ARMC7: variants seen among roughly 807,000 people sequenced by gnomAD.
The protein encoded by ARMC7 is armadillo repeat containing 7, also known as armadillo repeat-containing protein 7.
Under a neutral mutation model 14.8 loss-of-function variants are expected in ARMC7, and 9 were observed. The observed-to-expected ratio is 0.61, with a 90% confidence interval of 0.37 to 1.06. The LOEUF (loss-of-function observed/expected upper bound fraction) is 1.06. Among genes scored for constraint, ARMC7 ranks in the 50% least tolerant of loss-of-function variants. The pLI is 0.01. For synonymous variants in ARMC7, 125 were observed against 123.4 expected (o/e 1.01, Z -0.09); for missense variants, 262 against 267.1 (o/e 0.98, Z 0.13).
At chr17:75,122,385 G>A (rs940020993) in intron 2 of ARMC7, among the ~76,000 whole-genome samples, 8 of 151,702 alleles carry the variant, frequency 5.3e-5, no homozygotes, top group Non-Finnish European at 1.0e-4. Context: ...ATTTTTGACG[G>A]GGTTTCACTC....
In ARMC7 at chr17:75,130,200, T is replaced by A. The variant is rs1413387383; in HGVS notation, c.*1162T>A. 1.3e-5 allele frequency: 5 copies of A among 375,260 alleles called. No individual in the cohort carries two copies. Among genetic ancestry groups the A allele is most frequent in the African/African-American group, 1.0e-4 (5 of 48,712 alleles). The allele number at this position is 375,260 out of a possible 1,614,324, so 23.2% of individuals were successfully genotyped here. On this transcript the variant is annotated 3_prime_UTR_variant, in exon 3 of 3. Coordinates refer to ENST00000245543, the MANE Select transcript of ARMC7 (RefSeq NM_024585.4). ...CCCGCTCAGGGAGCCTGTCCCTTTA[T>A]GTTCCCAAATAAAGGGTCCTAGAAG...
intron 2 of ARMC7, among the ~76,000 whole-genome samples, chr17:75,119,667 A>T (rs1217419947): frequency 6.7e-6 from 1 of 148,902 alleles, no homozygotes; most frequent in African/African-American, 2.5e-5. Context: ...TCACCGTGTT[A>T]GCCAGGATGG....
intron 2 of ARMC7, 125 bp from the exon 3 acceptor site, chr17:75,128,552 C>A: frequency 1.3e-5 from 17 of 1,356,668 alleles, no homozygotes; most frequent in Non-Finnish European, 1.7e-5. Flanking sequence ...CCGGAATGGG[C>A]TTTGGATGCC....
chr17:75,115,824 C>T (rs1399381334), intron 2 of ARMC7, among the ~76,000 whole-genome samples: 1 of 152,180 alleles, frequency 6.6e-6, no homozygotes, highest in Non-Finnish European at 1.5e-5. Flanking sequence ...CAGATGGGGA[C>T]AGTGCCAGTA....
At chr17:75,114,624 G>GTGTCTC in intron 2 of ARMC7, 2 of 396,708 alleles carry the variant, frequency 5.0e-6, no homozygotes, top group Non-Finnish European at 8.9e-6. Flanking sequence ...CTGTGCATCT[G>GTGTCTC]TGTCTCTGTG....
At chr17:75,114,668 C>T in intron 2 of ARMC7, 1 of 398,330 alleles carries the variant, frequency 2.5e-6, no homozygotes, top group Non-Finnish European at 4.4e-6. Context: ...TCATTATCAC[C>T]AGCTTTACTT....
At chr17:75,123,840 G>A (rs1211334959) in intron 2 of ARMC7, among the ~76,000 whole-genome samples, 1 of 152,050 alleles carries the variant, frequency 6.6e-6, no homozygotes, top group Non-Finnish European at 1.5e-5. Context: ...GAACCCGGGA[G>A]GCGGAGGTTG....
In ARMC7 at chr17:75,110,515, C is replaced by T. The variant is rs757909485; in HGVS notation, c.144C>T (p.Ser48=). 1.2e-6 allele frequency: 2 copies of T among 1,614,226 alleles called. No homozygotes were observed. Among genetic ancestry groups the T allele is most frequent in the African/African-American group, 2.7e-5 (2 of 75,078 alleles). Residue 48 remains serine, a synonymous_variant, in exon 2 of 3, where the codon AGC becomes AGT. Coordinates refer to ENST00000245543, the MANE Select transcript of ARMC7 (RefSeq NM_024585.4). ...ANLANFAYDP[S]NYEYLRQLQV... ...TCGCCAACTTCGCTTATGACCCCAGCAACTACGAGTATCTGCGGCAGCTGC... is the reference window on the plus strand; with the variant it reads ...TCGCCAACTTCGCTTATGACCCCAGTAACTACGAGTATCTGCGGCAGCTGC...
chr17:75,126,876 C>A (rs1429142114), intron 2 of ARMC7, among the ~76,000 whole-genome samples: 1 of 151,678 alleles, frequency 6.6e-6, no homozygotes, highest in Admixed American at 6.6e-5. Flanking sequence ...GCCTGGCCAA[C>A]ATGGTGAAAC....
intron 2 of ARMC7, among the ~76,000 whole-genome samples, chr17:75,118,897 G>T (rs1157195081): frequency 3.9e-5 from 6 of 152,222 alleles, no homozygotes; most frequent in African/African-American, 1.2e-4. Flanking sequence ...CAAGTCCACT[G>T]CCTGGGGCTC....
intron 2 of ARMC7, among the ~76,000 whole-genome samples, chr17:75,122,447 C>G (rs1318665766): frequency 2.0e-5 from 3 of 151,844 alleles, no homozygotes; most frequent in African/African-American, 7.2e-5. Context: ...CCGCAACCTC[C>G]GCCTCCTGGG....
chr17:75,119,447 T>G (rs1568016792), intron 2 of ARMC7, among the ~76,000 whole-genome samples: 1 of 36,576 alleles, frequency 2.7e-5, no homozygotes, highest in Non-Finnish European at 1.2e-4. Flanking sequence ...TGTGATACAG[T>G]TTTTTCTTTT....
rs769760825 is a variant in ARMC7, at chr17:75,110,576, G to A, written c.205G>A (p.Glu69Lys). The change falls in exon 2 of 3, where the codon GAG (glutamate) becomes AAG (lysine). Residue 69 changes from glutamate to lysine, a missense_variant. Transcript: ENST00000245543. ...LDLFLDSLSE[E>K]NETLVEFAIG... ...TTTATTTCTCGATTCGCTGTCGGAGGAGAATGAGACCCTGGTGGAGTTTGC... is the reference window on the plus strand; with the variant it reads ...TTTATTTCTCGATTCGCTGTCGGAGAAGAATGAGACCCTGGTGGAGTTTGC... The A allele has an allele frequency of 1.3e-4, 202 of 1,614,124 alleles. No homozygotes were observed. Among genetic ancestry groups the A allele is most frequent in the Middle Eastern group, 8.2e-4 (5 of 6,084 alleles).
In ARMC7 at chr17:75,110,269, G is replaced by A; in HGVS notation, c.-20G>A. 6.3e-7 allele frequency: 1 copy of A among 1,595,150 alleles called. No homozygotes were observed. The highest frequency in any genetic ancestry group is 1.3e-5 in the African/African-American group (1 of 74,742). ...TCCCACCCTCCCGCCCGTCCCTGGG[G>A]GTCCTCCGTCACCGCGGCCATGGCC... is the stretch of plus-strand genomic sequence containing the variant. On this transcript the variant is annotated 5_prime_UTR_variant, in exon 1 of 3. Coordinates refer to ENST00000245543, the MANE Select transcript of ARMC7 (RefSeq NM_024585.4).
In ARMC7 at chr17:75,113,014, T is replaced by TTTA. The variant is rs528055282; in HGVS notation, c.235+2411_235+2413dup. Among the ~76,000 whole-genome samples, 331 of 151,494 alleles carry TTTA rather than the reference T, an allele frequency of 2.2e-3. 2 individuals are homozygous for TTTA. Among genetic ancestry groups the TTTA allele is most frequent in the African/African-American group, 7.5e-3 (308 of 41,248 alleles). On this transcript the variant is annotated intron_variant, in intron 2 of 2. Transcript: ENST00000245543. Reference sequence around the variant, plus strand: ...TAGGATCAAATAACACATTTTTTATTTTATTTTATTTTATTTTATTTTATT... The same window carrying TTTA: ...TAGGATCAAATAACACATTTTTTATTTTATTATTTTATTTTATTTTATTTTATT...
intron 2 of ARMC7, among the ~76,000 whole-genome samples, chr17:75,119,337 C>T (rs187730164): frequency 3.5e-4 from 53 of 152,174 alleles, no homozygotes; most frequent in African/African-American, 7.0e-4. Flanking sequence ...TATGCACTCA[C>T]GCTGGCAAGA....
chr17:75,114,770 G>C (rs922602232), intron 2 of ARMC7: 8 of 397,770 alleles, frequency 2.0e-5, no homozygotes, highest in Non-Finnish European at 3.5e-5. Context: ...TCTCAGCGTC[G>C]AATCCCTCCG....
At position 75,129,144 on chromosome 17, in the gene ARMC7, C is replaced by T. The variant is rs188733583; in HGVS notation, c.*106C>T. ...TACTGCCCCATTGGTGCCTTTTCAG[C>T]CATCTGAAAGGCGGGTTCTTTCAGC... On this transcript the variant is annotated 3_prime_UTR_variant, in exon 3 of 3. Transcript: ENST00000245543. 39 of 1,427,542 alleles carry T rather than the reference C, an allele frequency of 2.7e-5. No homozygotes were observed. The Admixed American group carries it at 5.9e-4, about 22-fold the overall frequency. The allele number at this position is 1,427,542 out of a possible 1,614,324, so 88.4% of individuals were successfully genotyped here.
Position 75,128,732 on chromosome 17 carries a change from A to G in ARMC7, c.291A>G (p.Ala97=). 6.2e-7 allele frequency: 1 copy of G among 1,613,578 alleles called. No homozygotes were observed. The highest frequency in any genetic ancestry group is 8.5e-7 in the Non-Finnish European group (1 of 1,179,960). ...DRANKEHILH[A]GGVPLIINCL... Reference sequence around the variant, plus strand: ...CCAACAAGGAGCACATCCTGCACGCAGGAGGTGTCCCACTCATCATCAACT... The same window carrying G: ...CCAACAAGGAGCACATCCTGCACGCGGGAGGTGTCCCACTCATCATCAACT... The change falls in exon 3 of 3, where the codon GCA becomes GCG. Residue 97 remains alanine, a synonymous_variant. Coordinates refer to ENST00000245543, the MANE Select transcript of ARMC7 (RefSeq NM_024585.4).
Sources: gnomAD v4.1 joint callset for allele counts (sites outside exome capture counted in the v4.1 genomes callset) on GRCh38, gnomAD v4.1.1 for gene constraint, MANE v1.5 for transcripts, NCBI Gene and HGNC (gene_info 2026-07-23, HGNC 2026-07-21) for gene names.